Variants in ZCWPW2 observed in about 807,000 individuals in gnomAD.
ZCWPW2 encodes the protein zinc finger CW-type and PWWP domain containing 2.
In ZCWPW2, 45 loss-of-function variants were observed where a neutral mutation model predicts 46.6. That is an observed-to-expected ratio of 0.96 (90% confidence interval 0.76 to 1.24). The LOEUF (loss-of-function observed/expected upper bound fraction) is 1.24, where lower values mean the gene tolerates loss of function less well. Ranked by LOEUF, ZCWPW2 falls within the 50% of genes most tolerant of loss-of-function variation. ZCWPW2 has a pLI of 0.00. For missense variants in ZCWPW2, 429 were observed against 403.9 expected (o/e 1.06, Z -0.53); for synonymous variants, 152 against 137.1 (o/e 1.11, Z -0.76).
In ZCWPW2 at chr3:28,525,816, G is replaced by T. The variant is rs955979165; in HGVS notation, c.*1128G>T. On this transcript the variant is annotated 3_prime_UTR_variant, in exon 10 of 10. Transcript: ENST00000383768. ...TATCTTATTTGTCAAAGTAAAGTAT[G>T]TATGTATTTCTGTCTTCCTTGTTTT... Among the ~76,000 whole-genome samples, 1 of 152,182 alleles carries T rather than the reference G, an allele frequency of 6.6e-6. No individual in the cohort carries two copies. Among genetic ancestry groups the T allele is most frequent in the African/African-American group, 2.4e-5 (1 of 41,444 alleles).
intron 3 of ZCWPW2, among the ~76,000 whole-genome samples, chr3:28,424,343 C>T (rs972842731): frequency 1.3e-5 from 2 of 151,880 alleles, no homozygotes; most frequent in Non-Finnish European, 2.9e-5. Flanking sequence ...TCTGTTCTCT[C>T]GAAATACATA....
chr3:28,434,245 A>G (rs991284032), intron 3 of ZCWPW2, among the ~76,000 whole-genome samples: 5 of 152,108 alleles, frequency 3.3e-5, no homozygotes, highest in African/African-American at 9.7e-5. Flanking sequence ...TTTCAGGACT[A>G]TTCTCTAATT....
At chr3:28,454,692 T>C (rs1403821561) in intron 4 of ZCWPW2, among the ~76,000 whole-genome samples, 1 of 152,152 alleles carries the variant, frequency 6.6e-6, no homozygotes, top group Non-Finnish European at 1.5e-5. Context: ...CTTGTGTCTA[T>C]TTGGTCTCAT....
At chr3:28,384,554 G>A (rs1487079451) in intron 1 of ZCWPW2, among the ~76,000 whole-genome samples, 1 of 150,532 alleles carries the variant, frequency 6.6e-6, no homozygotes, top group Non-Finnish European at 1.5e-5. Flanking sequence ...ATTTTTCAGT[G>A]TACCTTTAGT....
intron 1 of ZCWPW2, among the ~76,000 whole-genome samples, chr3:28,355,538 C>T (rs767589730): frequency 1.6e-3 from 248 of 152,322 alleles, no homozygotes; most frequent in Non-Finnish European, 2.7e-3. Flanking sequence ...GCCCGCATTG[C>T]CAAGTCCATC....
At chr3:28,350,480 TTTA>T (rs1380421660) in intron 1 of ZCWPW2, among the ~76,000 whole-genome samples, 2 of 152,196 alleles carry the variant, frequency 1.3e-5, no homozygotes, top group African/African-American at 4.8e-5. Flanking sequence ...ACACAGTGGG[TTTA>T]TTAACATATA....
At chr3:28,395,028 A>G (rs146849941) in intron 2 of ZCWPW2, among the ~76,000 whole-genome samples, 1 of 152,230 alleles carries the variant, frequency 6.6e-6, no homozygotes, top group East Asian at 1.9e-4. Flanking sequence ...TTAATATCCA[A>G]AATTTGTAAG....
At chr3:28,404,827 A>G (rs1192133521) in intron 2 of ZCWPW2, among the ~76,000 whole-genome samples, 1 of 152,194 alleles carries the variant, frequency 6.6e-6, no homozygotes, top group Non-Finnish European at 1.5e-5. Context: ...GAGCTAATCT[A>G]TGAGGATGCA....
At chr3:28,472,004 G>A (rs1223841865) in intron 4 of ZCWPW2, among the ~76,000 whole-genome samples, 1 of 151,842 alleles carries the variant, frequency 6.6e-6, no homozygotes, top group Non-Finnish European at 1.5e-5. Context: ...AAATACCTAG[G>A]AATTATCTCA....
chr3:28,385,962 G>A lies in ZCWPW2; in HGVS notation c.-133-4536G>A, dbSNP rs1440972581. ...TTTTTTTGAGTTAAATATATACATTGTATCCTTTAGCAACTTTAAAATTTT... is the reference window on the plus strand; with the variant it reads ...TTTTTTTGAGTTAAATATATACATTATATCCTTTAGCAACTTTAAAATTTT... On this transcript the variant is annotated intron_variant, in intron 1 of 9. Coordinates refer to ENST00000383768, the MANE Select transcript of ZCWPW2 (RefSeq NM_001040432.4). Among the ~76,000 whole-genome samples, 4 of 144,274 alleles carry A rather than the reference G, an allele frequency of 2.8e-5. No homozygotes were observed. In the East Asian group the frequency reaches 8.1e-4, roughly 29 times the overall value. The allele number at this position is 144,274 out of a possible 152,430, so 94.6% of individuals were successfully genotyped here.
intron 8 of ZCWPW2, among the ~76,000 whole-genome samples, chr3:28,520,008 A>G (rs1033119957): frequency 1.6e-5 from 2 of 123,686 alleles, no homozygotes; most frequent in Admixed American, 8.0e-5. Flanking sequence ...TTTTTTGCCT[A>G]TTTTTTTTTT....
intron 4 of ZCWPW2, among the ~76,000 whole-genome samples, chr3:28,440,331 C>G (rs1309382471): frequency 1.3e-5 from 2 of 152,154 alleles, no homozygotes; most frequent in African/African-American, 4.8e-5. Flanking sequence ...CAGCATTCCT[C>G]CCTCTTGAAC....
intron 6 of ZCWPW2, among the ~76,000 whole-genome samples, chr3:28,513,664 G>A (rs1195330632): frequency 1.3e-5 from 2 of 152,016 alleles, no homozygotes; most frequent in African/African-American, 4.8e-5. Context: ...TTTCTTTTGG[G>A]CCCTCACTAT....
chr3:28,457,934 T>C (rs1698483559), intron 4 of ZCWPW2, among the ~76,000 whole-genome samples: 3 of 152,214 alleles, frequency 2.0e-5, no homozygotes, highest in Admixed American at 1.3e-4. Context: ...TCATTGGTGA[T>C]TTAAGTTTTT....
chr3:28,379,088 G>A (rs1705589231), intron 1 of ZCWPW2, among the ~76,000 whole-genome samples: 1 of 152,142 alleles, frequency 6.6e-6, no homozygotes, highest in South Asian at 2.1e-4. Flanking sequence ...CACTTGTGGA[G>A]AGGGGTCTTG....
chr3:28,400,821 C>A (rs1016459766), intron 2 of ZCWPW2, among the ~76,000 whole-genome samples: 1 of 152,162 alleles, frequency 6.6e-6, no homozygotes, highest in Non-Finnish European at 1.5e-5. Context: ...CCTGGAAACA[C>A]ATCAAAACAA....
chr3:28,511,397 G>A (rs1004878414), intron 6 of ZCWPW2, among the ~76,000 whole-genome samples: 2 of 152,110 alleles, frequency 1.3e-5, no homozygotes, highest in African/African-American at 2.4e-5. Context: ...TTTCAAAAAT[G>A]TTAGCAGCAA....
chr3:28,409,952 G>A (rs1412919641), intron 2 of ZCWPW2, among the ~76,000 whole-genome samples: 1 of 152,054 alleles, frequency 6.6e-6, no homozygotes, highest in East Asian at 1.9e-4. Context: ...AGGAGGCAGA[G>A]ATAAGGAAAC....
intron 6 of ZCWPW2, among the ~76,000 whole-genome samples, chr3:28,494,644 G>T (rs1328845214): frequency 2.1e-5 from 3 of 144,676 alleles, no homozygotes; most frequent in Non-Finnish European, 4.6e-5. Flanking sequence ...AATTGTCCCT[G>T]TTTGCAGACG....
Sources: gnomAD v4.1 joint callset for allele counts (sites outside exome capture counted in the v4.1 genomes callset) on GRCh38, gnomAD v4.1.1 for gene constraint, MANE v1.5 for transcripts, NCBI Gene and HGNC (gene_info 2026-07-23, HGNC 2026-07-21) for gene names.